Variants in SLC38A6 observed in about 807,000 individuals in gnomAD.
SLC38A6 encodes N system amino acid transporter NAT-1.
SLC38A6 carries 73 observed loss-of-function variants against 65.0 expected under a neutral mutation model. The observed-to-expected ratio is 1.12, with a 90% CI of 0.93 to 1.37. The LOEUF (loss-of-function observed/expected upper bound fraction) is 1.37, where lower values mean the gene tolerates loss of function less well. Among genes scored for constraint, SLC38A6 ranks in the 40% most tolerant of loss-of-function variants. The pLI, the probability that SLC38A6 is intolerant of heterozygous loss-of-function variation, is 0.00. For synonymous variants in SLC38A6, 183 were observed against 178.8 expected (o/e 1.02, Z -0.19); for missense variants, 561 against 531.1 (o/e 1.06, Z -0.55).
In SLC38A6 at chr14:61,030,462, T is replaced by C. The variant is rs997108275; in HGVS notation, c.421T>C (p.Leu141=). 13 of 1,609,652 alleles carry C rather than the reference T, an allele frequency of 8.1e-6. 1 individual carries two copies. The highest frequency in any genetic ancestry group is 4.0e-5 in the African/African-American group (3 of 74,694). ...TTTTGCAGCTATGTCATCTTATCTT[T>C]TAATTATTAAAACAGAGCTTCCTGC... ...QNIGAMSSYL[L]IIKTELPAAI... is the part of the protein sequence containing the mutation. The change falls in exon 6 of 16, where the codon TTA becomes CTA. Residue 141 remains leucine (L), a synonymous_variant. Coordinates refer to ENST00000267488, the MANE Select transcript of SLC38A6 (RefSeq NM_153811.3).
chr14:61,008,123 A>G (rs915181321), intron 3 of SLC38A6, among the ~76,000 whole-genome samples: 7 of 152,194 alleles, frequency 4.6e-5, no homozygotes, highest in African/African-American at 1.2e-4. Context: ...ATCAAATTAT[A>G]TATCTCAAAT....
At chr14:61,075,799 GTGTGTGT>G (rs2043387118) in intron 15 of SLC38A6, among the ~76,000 whole-genome samples, 2 of 149,700 alleles carry the variant, frequency 1.3e-5, no homozygotes, top group African/African-American at 4.9e-5. Context: ...GTGTGTGTGT[GTGTGTGT>G]GTGTGTGTGT....
chr14:61,067,792 A>G (rs1024313476), intron 15 of SLC38A6, among the ~76,000 whole-genome samples: 1 of 151,982 alleles, frequency 6.6e-6, no homozygotes, highest in Non-Finnish European at 1.5e-5. Flanking sequence ...GTTAAATTTC[A>G]TCCTGTTAGC....
At chr14:61,006,756 T>G (rs1397625393) in intron 3 of SLC38A6, among the ~76,000 whole-genome samples, 1 of 152,146 alleles carries the variant, frequency 6.6e-6, no homozygotes, top group Non-Finnish European at 1.5e-5. Context: ...ATTGTGGAAG[T>G]CAGTGTGGCG....
intron 3 of SLC38A6, among the ~76,000 whole-genome samples, chr14:61,011,953 G>T (rs1395386312): frequency 6.6e-6 from 1 of 152,164 alleles, no homozygotes; most frequent in East Asian, 1.9e-4. Flanking sequence ...GTTTCAGAAG[G>T]AATGGTACCA....
chr14:61,021,400 T>G (rs754341576), intron 5 of SLC38A6, among the ~76,000 whole-genome samples: 20 of 152,196 alleles, frequency 1.3e-4, no homozygotes, highest in Non-Finnish European at 2.9e-4. Flanking sequence ...CTGGTGCTAA[T>G]GTATAGAAAT....
chr14:61,028,719 A>G (rs1566673712), intron 5 of SLC38A6, among the ~76,000 whole-genome samples: 1 of 152,188 alleles, frequency 6.6e-6, no homozygotes, highest in Non-Finnish European at 1.5e-5. Context: ...ATCGTTGTAA[A>G]CTGAAAAAAT....
chr14:61,043,575 G>C lies in SLC38A6; in HGVS notation c.744+72G>C, dbSNP rs190298004. 90 of 1,066,582 alleles carry C rather than the reference G, an allele frequency of 8.4e-5. 2 individuals are homozygous for C. The African/African-American group carries it at 1.4e-3, about 16-fold the overall frequency. The allele number at this position is 1,066,582 out of a possible 1,614,324, so 66.1% of individuals were successfully genotyped here. On this transcript the variant is annotated intron_variant, in intron 10 of 15. Coordinates refer to ENST00000267488, the MANE Select transcript of SLC38A6 (RefSeq NM_153811.3). ...AAGTTTTAAGAGGTTTGTGTAACAG[G>C]GTCTCTTAGGTCTTTGTACCTGTGA...
chr14:60,999,610 T>C (rs1363604723), intron 3 of SLC38A6, among the ~76,000 whole-genome samples: 3 of 152,212 alleles, frequency 2.0e-5, no homozygotes, highest in South Asian at 2.1e-4. Context: ...TTACCTTATA[T>C]GGCAAAAAAG....
chr14:61,012,777 A>G (rs2039680001), intron 3 of SLC38A6, among the ~76,000 whole-genome samples: 1 of 152,020 alleles, frequency 6.6e-6, no homozygotes, highest in South Asian at 2.1e-4. Context: ...GCTCTTTTAC[A>G]TTTGCTGAAG....
rs2037159253 is a variant in SLC38A6 at position 60,982,776 on chromosome 14, T to C, written c.236+138T>C. On this transcript the variant is annotated intron_variant, in intron 2 of 15. Transcript: ENST00000267488. ...TGGGGTTTTAGCATTTTTCTTGTTA[T>C]TCTTGTTGCTAGTGTGTACCTTGGA... 8 of 981,140 alleles carry C rather than the reference T, an allele frequency of 8.2e-6. No homozygotes were observed. The South Asian group carries it at 1.4e-4, about 18-fold the overall frequency. The allele number at this position is 981,140 out of a possible 1,614,324, so 60.8% of individuals were successfully genotyped here.
chr14:60,994,685 C>T lies in SLC38A6; in HGVS notation c.310+9882C>T, dbSNP rs1358789094. ...TGCCATTGCACTCCAGCCTGGGCGA[C>T]AAGAGCAAAACCTCGTCTCAAAAAA... On this transcript the variant is annotated intron_variant, in intron 3 of 15. Coordinates refer to ENST00000267488, the MANE Select transcript of SLC38A6 (RefSeq NM_153811.3). Among the ~76,000 whole-genome samples, 8 of 133,758 alleles carry T rather than the reference C, an allele frequency of 6.0e-5. No homozygotes were observed. In the South Asian group the frequency reaches 9.8e-4, roughly 16 times the overall value. The allele number at this position is 133,758 out of a possible 152,430, so 87.8% of individuals were successfully genotyped here.
chr14:61,019,909 A>G (rs1426617086), intron 5 of SLC38A6, among the ~76,000 whole-genome samples: 7 of 151,986 alleles, frequency 4.6e-5, no homozygotes, highest in Admixed American at 3.3e-4. Flanking sequence ...TTTTCCCTCT[A>G]CTTTTGTTCT....
chr14:61,082,943 G>A (rs2043714771), intron 16 of SLC38A6, among the ~76,000 whole-genome samples: 1 of 152,160 alleles, frequency 6.6e-6, no homozygotes, highest in Admixed American at 6.5e-5. Flanking sequence ...TTTTCTCAGT[G>A]TCCTCTCACC....
chr14:61,041,073 C>G (rs1172770406), intron 8 of SLC38A6, among the ~76,000 whole-genome samples: 1 of 152,140 alleles, frequency 6.6e-6, no homozygotes, highest in Non-Finnish European at 1.5e-5. Context: ...AGTTGAGCCA[C>G]AAAAGAAGCA....
chr14:61,006,566 A>G (rs1320590784), intron 3 of SLC38A6, among the ~76,000 whole-genome samples: 2 of 152,254 alleles, frequency 1.3e-5, no homozygotes, highest in African/African-American at 2.4e-5. Flanking sequence ...CAAAAAACAC[A>G]TGAAAAAATG....
In SLC38A6 at chr14:61,052,506, G is replaced by T. The variant is rs2042567220; in HGVS notation, c.*77G>T. 8 of 1,468,458 alleles carry T rather than the reference G, an allele frequency of 5.4e-6. No individual in the cohort carries two copies. The highest frequency in any genetic ancestry group is 7.2e-6 in the Non-Finnish European group (8 of 1,117,400). The allele number at this position is 1,468,458 out of a possible 1,614,324, so 91.0% of individuals were successfully genotyped here. ...ATGAATTATTCCGGAAGACACCCTG[G>T]ATGAAAAATAACATTTTAATAAAAA... On this transcript the variant is annotated 3_prime_UTR_variant, in exon 16 of 16. Coordinates refer to ENST00000267488, the MANE Select transcript of SLC38A6 (RefSeq NM_153811.3).
At chr14:61,077,738 T>G (rs141250692) in intron 15 of SLC38A6, among the ~76,000 whole-genome samples, 1 of 152,356 alleles carries the variant, frequency 6.6e-6, no homozygotes, top group African/African-American at 2.4e-5. Context: ...ATTCATACAT[T>G]TTAATTTCAG....
At chr14:61,006,207 T>C (rs1364082448) in intron 3 of SLC38A6, among the ~76,000 whole-genome samples, 1 of 152,018 alleles carries the variant, frequency 6.6e-6, no homozygotes, top group Non-Finnish European at 1.5e-5. Context: ...AAACATTAGA[T>C]CTAAAACCAT....
Sources: allele counts gnomAD v4.1 joint callset (sites outside exome capture counted in the v4.1 genomes callset), GRCh38; gene constraint gnomAD v4.1.1; transcripts MANE v1.5; gene names NCBI Gene and HGNC (gene_info 2026-07-23, HGNC 2026-07-21).